AGPAT5: variants seen among roughly 807,000 people sequenced by gnomAD.
AGPAT5 encodes the protein 1-acylglycerol-3-phosphate O-acyltransferase 5.
In AGPAT5, 46 loss-of-function variants were observed where a neutral mutation model predicts 45.6. That is an observed-to-expected ratio of 1.01 (90% CI 0.80 to 1.29). The LOEUF is 1.29. Ranked by LOEUF, AGPAT5 falls within the 50% of genes most tolerant of loss-of-function variation. AGPAT5 has a pLI of 0.00. For missense variants in AGPAT5, 673 were observed against 450.7 expected (o/e 1.49, Z -4.47); for synonymous variants, 272 against 167.0 (o/e 1.63, Z -4.85).
At chr8:6,713,283 C>T (rs975854754) in intron 1 of AGPAT5, among the ~76,000 whole-genome samples, 3 of 152,136 alleles carry the variant, frequency 2.0e-5, no homozygotes, top group Non-Finnish European at 2.9e-5. Context: ...AATAAATATT[C>T]TAATTACCGA....
Position 6,747,699 on chromosome 8 carries a change from C to T in AGPAT5, c.616C>T (p.Pro206Ser), listed in dbSNP as rs1373590213. 1.2e-6 allele frequency: 2 copies of T among 1,614,010 alleles called. No individual in the cohort carries two copies. The highest frequency in any genetic ancestry group is 2.2e-5 in the East Asian group (1 of 44,888). The change falls in exon 6 of 8, where the codon CCA (proline) becomes TCA (serine). Residue 206 changes from proline (P) to serine (S), a missense_variant. Physicochemically the swap from Pro to Ser is moderately conservative, Grantham distance 74. Coordinates refer to ENST00000285518, the MANE Select transcript of AGPAT5 (RefSeq NM_018361.5). ...TGCAGTATTAAAACATGTGCTAACA[C>T]CACGAATAAAGGCAACTCACGTTGC... is the stretch of plus-strand genomic sequence containing the variant. ...GLAVLKHVLTPRIKATHVAFD... is the reference protein window; with the variant it reads ...GLAVLKHVLTSRIKATHVAFD...
Position 6,755,041 on chromosome 8 carries a change from T to A in AGPAT5, c.746-10T>A, listed in dbSNP as rs770924591. On this transcript the variant is annotated splice_polypyrimidine_tract_variant and intron_variant, in intron 6 of 7. Transcript: ENST00000285518. The stretch of plus-strand genomic sequence containing the variant: ...AGTAAAAAAAAAGAATTATTTTTGT[T>A]CTTTGTTAGAATTTCTCTGCAAAGA... The A allele has an allele frequency of 6.4e-7, 1 of 1,567,942 alleles. No individual in the cohort carries two copies. Among genetic ancestry groups the A allele is most frequent in the Admixed American group, 2.1e-5 (1 of 47,750 alleles).
intron 1 of AGPAT5, among the ~76,000 whole-genome samples, chr8:6,719,029 C>T (rs1367110697): frequency 1.3e-5 from 2 of 152,140 alleles, no homozygotes; most frequent in African/African-American, 4.8e-5. Context: ...GAGTACCTTT[C>T]CATGGTCGAA....
intron 4 of AGPAT5, 48 bp from the exon 5 acceptor site, chr8:6,741,613 A>T: frequency 7.3e-7 from 1 of 1,374,612 alleles, no homozygotes; most frequent in Non-Finnish European, 1.0e-6. Flanking sequence ...AACAATAACA[A>T]AAACAAAGCT....
At position 6,760,543 on chromosome 8, in the gene AGPAT5, G is replaced by C. The variant is rs1173637605; in HGVS notation, c.*3155G>C. ...TTGTGTGTATAATTGCAAGCGCATA[G>C]TAAAATAATTTTAACCTTAATTTGT... is the stretch of plus-strand genomic sequence containing the variant. On this transcript the variant is annotated 3_prime_UTR_variant, in exon 8 of 8. Coordinates refer to ENST00000285518, the MANE Select transcript of AGPAT5 (RefSeq NM_018361.5). Among the ~76,000 whole-genome samples the C allele has an allele frequency of 6.6e-6, 1 of 152,250 alleles. No individual in the cohort carries two copies. The highest frequency in any genetic ancestry group is 6.5e-5 in the Admixed American group (1 of 15,282).
intron 4 of AGPAT5, among the ~76,000 whole-genome samples, chr8:6,737,042 C>G (rs1801076081): frequency 6.6e-6 from 1 of 152,170 alleles, no homozygotes; most frequent in Non-Finnish European, 1.5e-5. Flanking sequence ...AAGTTGTTTT[C>G]AGTAGGAAGG....
intron 1 of AGPAT5, among the ~76,000 whole-genome samples, chr8:6,712,499 C>T (rs1351732737): frequency 6.6e-6 from 1 of 151,884 alleles, no homozygotes; most frequent in Admixed American, 6.6e-5. Flanking sequence ...ACTTAAAAGC[C>T]CTATCTATAG....
At chr8:6,734,313 TTTTGGATAA>T (rs2116907540) in intron 4 of AGPAT5, among the ~76,000 whole-genome samples, 1 of 152,170 alleles carries the variant, frequency 6.6e-6, no homozygotes, top group South Asian at 2.1e-4. Context: ...TTGTGTTACA[TTTTGGATAA>T]TTTCTGTTGA....
At position 6,732,586 on chromosome 8, in the gene AGPAT5, G is replaced by C. The variant is rs1800900236; in HGVS notation, c.431G>C (p.Ser144Thr). The change falls in exon 4 of 8, where the codon AGT becomes ACT. Residue 144 changes from serine to threonine, a missense_variant. Transcript: ENST00000285518. Reference sequence around the variant, plus strand: ...CATGGAGGAATCTATGTAAAGCGCAGTGCCAAATTTAACGAGAAAGAGATG... The same window carrying C: ...CATGGAGGAATCTATGTAAAGCGCACTGCCAAATTTAACGAGAAAGAGATG... ...AQHGGIYVKR[S>T]AKFNEKEMRN... 6.2e-7 allele frequency: 1 copy of C among 1,610,760 alleles called. No homozygotes were observed. Among genetic ancestry groups the C allele is most frequent in the Non-Finnish European group, 8.5e-7 (1 of 1,179,182 alleles).
intron 3 of AGPAT5, among the ~76,000 whole-genome samples, chr8:6,732,000 C>T (rs917486787): frequency 6.6e-6 from 1 of 152,218 alleles, no homozygotes; most frequent in Admixed American, 6.5e-5. Context: ...TAAGGTCCCA[C>T]TCTGAGGCCC....
intron 2 of AGPAT5, among the ~76,000 whole-genome samples, chr8:6,727,268 C>T (rs1434029257): frequency 6.6e-6 from 1 of 152,160 alleles, no homozygotes; most frequent in Non-Finnish European, 1.5e-5. Context: ...CTTGACACAT[C>T]CTTGTCTCTA....
At chr8:6,713,184 G>T (rs1453287035) in intron 1 of AGPAT5, among the ~76,000 whole-genome samples, 2 of 152,142 alleles carry the variant, frequency 1.3e-5, no homozygotes, top group African/African-American at 4.8e-5. Context: ...TGCCCAGGCT[G>T]GTCTTGAATT....
chr8:6,712,754 T>C (rs1400167882), intron 1 of AGPAT5, among the ~76,000 whole-genome samples: 1 of 152,234 alleles, frequency 6.6e-6, no homozygotes, highest in African/African-American at 2.4e-5. Flanking sequence ...AATCTAGATA[T>C]ATCCTAAATG....
At position 6,713,292 on chromosome 8, in the gene AGPAT5, G is replaced by A. The variant is rs149567617; in HGVS notation, c.219+4405G>A. Among the ~76,000 whole-genome samples, 8 of 152,136 alleles carry A rather than the reference G, an allele frequency of 5.3e-5. No individual in the cohort carries two copies. In the East Asian group the frequency reaches 1.4e-3, roughly 26 times the overall value. ...GCCCCTAATAAATATTCTAATTACC[G>A]ATTTATCTTGCTTAAATCAGTTGGT... On this transcript the variant is annotated intron_variant, in intron 1 of 7. Coordinates refer to ENST00000285518, the MANE Select transcript of AGPAT5 (RefSeq NM_018361.5).
chr8:6,722,826 A>C (rs10096476), intron 1 of AGPAT5, among the ~76,000 whole-genome samples: 2,737 of 150,808 alleles, frequency 0.018, 75 homozygotes, highest in African/African-American at 0.06. Flanking sequence ...AAATGAAAAG[A>C]GAAATTTTTT....
chr8:6,756,815 T>C (rs1011098054), intron 7 of AGPAT5, among the ~76,000 whole-genome samples: 1 of 152,044 alleles, frequency 6.6e-6, no homozygotes, highest in South Asian at 2.1e-4. Flanking sequence ...AGGAGCTCCA[T>C]GTAAAAAGGA....
At chr8:6,729,966 T>C (rs915072407) in intron 2 of AGPAT5, among the ~76,000 whole-genome samples, 2 of 152,178 alleles carry the variant, frequency 1.3e-5, no homozygotes, top group Non-Finnish European at 2.9e-5. Flanking sequence ...TAGTACCGAG[T>C]CCTAAAAACT....
At chr8:6,736,624 C>T (rs370308144) in intron 4 of AGPAT5, among the ~76,000 whole-genome samples, 1 of 152,204 alleles carries the variant, frequency 6.6e-6, no homozygotes, top group Admixed American at 6.5e-5. Context: ...TCAGTTGAAG[C>T]CTCAGGTGGG....
Position 6,756,591 on chromosome 8 carries a change from T to C in AGPAT5, c.870-572T>C, listed in dbSNP as rs891383503. On this transcript the variant is annotated intron_variant, in intron 7 of 7. Coordinates refer to ENST00000285518, the MANE Select transcript of AGPAT5 (RefSeq NM_018361.5). Reference sequence around the variant, plus strand: ...TATCATTGTGCCAACTCCAGCCTGGTAACAGAGTGCCTTTTTTCAAAAAAA... The same window carrying C: ...TATCATTGTGCCAACTCCAGCCTGGCAACAGAGTGCCTTTTTTCAAAAAAA... Among the ~76,000 whole-genome samples the C allele has an allele frequency of 3.7e-5, 5 of 136,262 alleles. No individual in the cohort carries two copies. The East Asian group carries it at 8.6e-4, about 23-fold the overall frequency. The allele number at this position is 136,262 out of a possible 152,430, so 89.4% of individuals were successfully genotyped here. A position where few individuals can be genotyped will look rare whatever the true frequency, so the allele number is the denominator to read the frequency against.
Sources: allele counts gnomAD v4.1 joint callset (sites outside exome capture counted in the v4.1 genomes callset), GRCh38; gene constraint gnomAD v4.1.1; transcripts MANE v1.5; gene names NCBI Gene and HGNC (gene_info 2026-07-23, HGNC 2026-07-21).